Variants in ANO1 observed in about 807,000 individuals in gnomAD.
The protein encoded by ANO1 is anoctamin-1.
Under a neutral mutation model 124.0 loss-of-function variants are expected in ANO1, and 59 were observed. That is an observed-to-expected ratio of 0.48 (90% confidence interval 0.39 to 0.59). ANO1 has a LOEUF of 0.59. ANO1 is among the 20% of genes least tolerant of loss of function. The pLI is 0.00. For synonymous variants in ANO1, 529 were observed against 532.0 expected, an observed-to-expected ratio of 0.99 and a Z score of 0.08; for missense variants, 1,059 against 1,328.0, an observed-to-expected ratio of 0.80 and a Z score of 3.15.
At chr11:70,069,653 G>C (rs1193056584) in intron 1 of ANO1, among the ~76,000 whole-genome samples, 4 of 152,206 alleles carry the variant, frequency 2.6e-5, no homozygotes, top group African/African-American at 4.8e-5. Context: ...AATCATTCCT[G>C]CTTAAGAGGC....
At chr11:70,049,273 G>A (rs1279731191) in intron 1 of ANO1, among the ~76,000 whole-genome samples, 2 of 152,164 alleles carry the variant, frequency 1.3e-5, no homozygotes, top group African/African-American at 4.8e-5. Context: ...TAGTCATATG[G>A]CCAGCCGCTC....
In ANO1 at chr11:70,182,519, C is replaced by A; in HGVS notation, c.2421C>A (p.Phe807Leu). The change falls in exon 24 of 26, where the codon TTC (phenylalanine) becomes TTA (leucine). Residue 807 changes from phenylalanine to leucine, a missense_variant. By Grantham distance (22) the Phe-to-Leu change is conservative. This residue lies in a region of ANO1 where 809 missense variants were observed against 1,094.9 expected (regional missense o/e 0.74). Transcript: ENST00000355303. Reference protein sequence around the residue: ...AVIINAFVISFTSDFIPRLVY... With the variant: ...AVIINAFVISLTSDFIPRLVY... ...CTGCACAGGCCTTCGTGATCTCCTT[C>A]ACGTCTGACTTCATCCCGCGCCTGG... The A allele has an allele frequency of 6.3e-7, 1 of 1,591,712 alleles. No individual in the cohort carries two copies. The highest frequency in any genetic ancestry group is 8.6e-7 in the Non-Finnish European group (1 of 1,168,826).
chr11:70,003,595 GTGGATGGATGGATGGATGGA>G (rs531812390), intron 1 of ANO1, among the ~76,000 whole-genome samples: 3 of 65,868 alleles, frequency 4.6e-5, no homozygotes, highest in Admixed American at 1.6e-4. Context: ...GGATGGATGG[GTGGATGGATGGATGGATGGA>G]TGGATGGATG....
rs114220564 is a variant in ANO1 at position 70,019,798 on chromosome 11, C to T, written c.58+33632C>T. Among the ~76,000 whole-genome samples, 642 of 152,334 alleles carry T rather than the reference C, an allele frequency of 4.2e-3. 5 individuals carry two copies. Among genetic ancestry groups the T allele is most frequent in the African/African-American group, 0.015 (612 of 41,584 alleles). On this transcript the variant is annotated intron_variant, in intron 1 of 27. Transcript: ENST00000531349. Reference sequence around the variant, plus strand: ...GGTCGTCTCATAATGAAAGCTTTCCCAGCCACTTTTAATCACAAAAACATG... The same window carrying T: ...GGTCGTCTCATAATGAAAGCTTTCCTAGCCACTTTTAATCACAAAAACATG...
intron 4 of ANO1, among the ~76,000 whole-genome samples, chr11:70,105,259 C>T (rs2045472367): frequency 6.6e-6 from 1 of 152,196 alleles, no homozygotes; most frequent in Non-Finnish European, 1.5e-5. Flanking sequence ...GCCCCTCCAC[C>T]CTCAGGAAGC....
chr11:70,125,954 C>A, intron 9 of ANO1, 107 bp from the exon 10 acceptor site: 1 of 1,390,828 alleles, frequency 7.2e-7, no homozygotes, highest in Admixed American at 2.2e-5. Context: ...GATGAGGGAA[C>A]CAGTGCCCCT....
intron 11 of ANO1, among the ~76,000 whole-genome samples, chr11:70,140,777 A>G (rs117666166): frequency 0.011 from 1,674 of 152,350 alleles, 37 homozygotes; most frequent in African/African-American, 0.037. Flanking sequence ...CTAAAGCGAA[A>G]TTAGGAATGC....
At chr11:70,085,356 G>A (rs564709797) in intron 1 of ANO1, 157 of 1,411,246 alleles carry the variant, frequency 1.1e-4, no homozygotes, top group East Asian at 7.8e-4. Flanking sequence ...CCACATGGGC[G>A]TGGTCGTGGC....
In ANO1 at chr11:70,179,958, C is replaced by CT. The variant is rs763733051; in HGVS notation, c.2351-45dup. 89 of 1,564,594 alleles carry CT rather than the reference C, an allele frequency of 5.7e-5. No homozygotes were observed. In the South Asian group the frequency reaches 9.6e-4, roughly 17 times the overall value. On this transcript the variant is annotated intron_variant, in intron 22 of 25. Transcript: ENST00000355303. Reference sequence around the variant, plus strand: ...GACTGCTGCCTGGTAGCTGGAATGACTGAGAGTGTAGGGCTCTTTAAAACT... The same window carrying CT: ...GACTGCTGCCTGGTAGCTGGAATGACTTGAGAGTGTAGGGCTCTTTAAAACT...
intron 1 of ANO1, chr11:70,015,954 T>C (rs138200892): frequency 1.5e-3 from 231 of 152,450 alleles, no homozygotes; most frequent in African/African-American, 5.3e-3. Context: ...TCTGCGCTGG[T>C]AGACCTTACA....
Position 70,073,240 on chromosome 11 carries a change from G to A in ANO1, c.59-5302G>A, listed in dbSNP as rs149962802. The stretch of plus-strand genomic sequence containing the variant: ...CCCTGTCCCCCTCGGCAGGGTTTCC[G>A]ATACCAATGCACCCACCATCCTGGG... On this transcript the variant is annotated intron_variant, in intron 1 of 27. Coordinates refer to the ANO1 transcript ENST00000531349. 2.2e-4 allele frequency among the ~76,000 whole-genome samples: 34 copies of A among 152,264 alleles called. No individual in the cohort carries two copies. The East Asian group carries it at 3.5e-3, about 16-fold the overall frequency.
At chr11:70,076,289 G>A (rs2044055269), upstream of ANO1, among the ~76,000 whole-genome samples, 2 of 152,202 alleles carry the variant, frequency 1.3e-5, no homozygotes, top group Non-Finnish European at 2.9e-5. Context: ...GGTGCTGTTG[G>A]GGAGAAGGTG....
At chr11:69,976,846 A>G in the ANO1 span, among the ~76,000 whole-genome samples, 3 of 152,330 alleles carry the variant, frequency 2.0e-5, no homozygotes, top group East Asian at 5.8e-4. Context: ...TGACAATTAC[A>G]TGACGGCTAA....
At position 70,177,583 on chromosome 11, in the gene ANO1, CT is replaced by C. The variant is rs571158513; in HGVS notation, c.2351-2411del. 2.0e-3 allele frequency among the ~76,000 whole-genome samples: 253 copies of C among 126,170 alleles called. 1 individual carries two copies. The highest frequency in any genetic ancestry group is 6.5e-3 in the African/African-American group (224 of 34,430). 82.8% of individuals were successfully genotyped at this position (126,170 alleles called of 152,430 possible). ...GCCGAGGAGTCTCGATTTTTCTTTT[CT>C]TTTTTTTTTCTTTTTTTTTTTTTTT... On this transcript the variant is annotated intron_variant, in intron 22 of 25. Coordinates refer to ENST00000355303, the MANE Select transcript of ANO1 (RefSeq NM_018043.7).
intron 7 of ANO1, among the ~76,000 whole-genome samples, chr11:70,114,142 C>T (rs965058130): frequency 3.3e-5 from 5 of 152,242 alleles, no homozygotes; most frequent in African/African-American, 7.2e-5. Context: ...AAATCTTCAT[C>T]GTGCCTTATG....
intron 1 of ANO1, among the ~76,000 whole-genome samples, chr11:70,041,611 T>G (rs1325029593): frequency 2.0e-5 from 3 of 152,012 alleles, no homozygotes; most frequent in African/African-American, 4.8e-5. Flanking sequence ...ATAATAGCAG[T>G]AGGTATTCGT....
At chr11:70,148,559 A>T (rs938923801) in intron 11 of ANO1, among the ~76,000 whole-genome samples, 6 of 152,248 alleles carry the variant, frequency 3.9e-5, no homozygotes, top group Non-Finnish European at 8.8e-5. Flanking sequence ...ACCAGCTCCC[A>T]ACAGTGCCTG....
At chr11:70,154,503 G>A (rs1172953874) in intron 14 of ANO1, among the ~76,000 whole-genome samples, 1 of 100,776 alleles carries the variant, frequency 9.9e-6, no homozygotes, top group African/African-American at 4.0e-5. Flanking sequence ...GTCTCGCTTT[G>A]TAGCCCAGGC....
intron 1 of ANO1, among the ~76,000 whole-genome samples, chr11:70,010,179 G>GTATGTGTGTGTATATATATATATTTA (rs1188271051): frequency 1.2e-5 from 1 of 83,776 alleles, no homozygotes; most frequent in Non-Finnish European, 2.4e-5. Flanking sequence ...GTGTGTGTGT[G>GTATGTGTGTGTATATATATATATTTA]TATATATATA....
Sources: allele counts gnomAD v4.1 joint callset (sites outside exome capture counted in the v4.1 genomes callset), GRCh38; gene constraint gnomAD v4.1.1; regional missense constraint gnomAD v4.1.1; transcripts MANE v1.5; gene names NCBI Gene and HGNC (gene_info 2026-07-23, HGNC 2026-07-21).